The following CCDC7 variants were observed in gnomAD, a reference collection of about 807,000 sequenced individuals.
The protein encoded by CCDC7 is coiled-coil domain-containing protein 7.
A neutral mutation model predicts 196.9 loss-of-function variants in CCDC7; 183 were observed. The observed-to-expected ratio is 0.93, with a 90% CI of 0.82 to 1.05. CCDC7 has a LOEUF of 1.05. CCDC7 is among the 50% of genes least tolerant of loss of function. The pLI is 0.00. For synonymous variants in CCDC7, 525 were observed against 484.6 expected, an observed-to-expected ratio of 1.08 and a Z score of -1.10; for missense variants, 1,540 against 1,482.2, an observed-to-expected ratio of 1.04 and a Z score of -0.64.
rs117666754 is a variant in CCDC7, at chr10:32,866,829, A to G, written c.4112-9518A>G. Among the ~76,000 whole-genome samples, 1,199 of 151,898 alleles carry G rather than the reference A, an allele frequency of 7.9e-3. 7 individuals carry two copies. The highest frequency in any genetic ancestry group is 0.02 in the Middle Eastern group (6 of 294). ...ATTACCTATTACTTATAAAAGTAAA[A>G]AAAGTACTTTACAGTAGAGAAACAT... On this transcript the variant is annotated intron_variant, in intron 41 of 41. Coordinates refer to ENST00000639629, the Ensembl canonical transcript of CCDC7.
chr10:32,870,280 G>C (rs1293214104), intron 41 of CCDC7, among the ~76,000 whole-genome samples: 1 of 152,158 alleles, frequency 6.6e-6, no homozygotes, highest in East Asian at 1.9e-4. Flanking sequence ...TCACTGAGCA[G>C]TGGTTTGTAG....
At chr10:32,877,845 G>A (rs903535397), downstream of CCDC7, among the ~76,000 whole-genome samples, 1 of 152,116 alleles carries the variant, frequency 6.6e-6, no homozygotes, top group African/African-American at 2.4e-5. Flanking sequence ...TTCTCTGTGT[G>A]ATTCTAATAC....
At chr10:32,447,209 G>C (rs948680131), upstream of CCDC7, among the ~76,000 whole-genome samples, 1 of 152,010 alleles carries the variant, frequency 6.6e-6, no homozygotes, top group East Asian at 1.9e-4. Flanking sequence ...TGAAATTGTT[G>C]CCGTTCTTCA....
intron 25 of CCDC7, among the ~76,000 whole-genome samples, chr10:32,724,047 A>T (rs1388709672): frequency 2.6e-5 from 4 of 152,048 alleles, no homozygotes; most frequent in Admixed American, 2.0e-4. Context: ...CCACCAAGCA[A>T]GCTCAGCTAG....
intron 18 of CCDC7, among the ~76,000 whole-genome samples, chr10:32,622,740 C>T (rs564618993): frequency 5.9e-5 from 9 of 152,032 alleles, no homozygotes; most frequent in South Asian, 2.1e-4. Flanking sequence ...AATTGAGCAC[C>T]GCTAAATGTC....
At chr10:32,709,404 G>T (rs562549525) in intron 24 of CCDC7, among the ~76,000 whole-genome samples, 1 of 151,980 alleles carries the variant, frequency 6.6e-6, no homozygotes, top group South Asian at 2.1e-4. Flanking sequence ...CATCAACATG[G>T]CACATGTATA....
At chr10:32,444,016 C>A (rs975478414), upstream of CCDC7, among the ~76,000 whole-genome samples, 2 of 152,082 alleles carry the variant, frequency 1.3e-5, no homozygotes, top group Admixed American at 6.6e-5. Flanking sequence ...TTGTAGATGT[C>A]TGGAAATTGT....
chr10:32,610,183 C>T (rs1240722590), intron 18 of CCDC7, among the ~76,000 whole-genome samples: 1 of 152,122 alleles, frequency 6.6e-6, no homozygotes, highest in Non-Finnish European at 1.5e-5. Flanking sequence ...CGGCTCACTG[C>T]AAGCTCTGCC....
At chr10:32,454,304 C>A (rs2033809173) in intron 2 of CCDC7, among the ~76,000 whole-genome samples, 2 of 152,122 alleles carry the variant, frequency 1.3e-5, no homozygotes, top group Admixed American at 1.3e-4. Context: ...TATGTAATCA[C>A]AATCCTTATC....
intron 20 of CCDC7, among the ~76,000 whole-genome samples, chr10:32,637,017 T>C (rs575578112): frequency 6.6e-6 from 1 of 152,362 alleles, no homozygotes; most frequent in East Asian, 1.9e-4. Flanking sequence ...GTTGGCTGCA[T>C]AAATGTCTTC....
intron 11 of CCDC7, among the ~76,000 whole-genome samples, chr10:32,519,634 T>C (rs1396816562): frequency 6.6e-6 from 1 of 152,144 alleles, no homozygotes; most frequent in Non-Finnish European, 1.5e-5. Flanking sequence ...ATGGGGTACA[T>C]GAGATATTTT....
At chr10:32,865,481 G>A (rs1196227726) in intron 41 of CCDC7, among the ~76,000 whole-genome samples, 4 of 151,558 alleles carry the variant, frequency 2.6e-5, no homozygotes, top group Admixed American at 6.6e-5. Flanking sequence ...TGATGAGAAT[G>A]TGCAGTAACT....
intron 24 of CCDC7, 99 bp from the exon 26 acceptor site, chr10:32,711,521 G>A (rs1343395623): frequency 2.9e-6 from 2 of 688,008 alleles, no homozygotes; most frequent in African/African-American, 3.8e-5. Context: ...TTTATAAGAT[G>A]AAAGAAAATG....
chr10:32,545,159 G>A (rs1008065131), intron 13 of CCDC7, among the ~76,000 whole-genome samples: 2 of 152,114 alleles, frequency 1.3e-5, no homozygotes, highest in African/African-American at 4.8e-5. Context: ...GGCATTACTT[G>A]AAGACAACAG....
intron 13 of CCDC7, among the ~76,000 whole-genome samples, chr10:32,554,344 C>A (rs2054004522): frequency 6.6e-6 from 1 of 152,186 alleles, no homozygotes; most frequent in Non-Finnish European, 1.5e-5. Flanking sequence ...AGGTTTCTTG[C>A]CCTGTTCAAA....
At chr10:32,790,648 C>T (rs899657298) in intron 29 of CCDC7, among the ~76,000 whole-genome samples, 1 of 152,200 alleles carries the variant, frequency 6.6e-6, no homozygotes, top group East Asian at 1.9e-4. Flanking sequence ...GTGCCCTTCT[C>T]CCTAGGGCCT....
At chr10:32,551,676 G>T (rs918015572) in intron 13 of CCDC7, among the ~76,000 whole-genome samples, 1 of 152,084 alleles carries the variant, frequency 6.6e-6, no homozygotes, top group African/African-American at 2.4e-5. Context: ...TCAGGAGCAG[G>T]TTATTTAATT....
Position 32,855,163 on chromosome 10 carries a change from T to G in CCDC7, c.4111+674T>G, listed in dbSNP as rs190790336. Reference sequence around the variant, plus strand: ...AGTGATCTAAGGATTCAGTGCAATCTCTATTGAAATCCCAAATACTTTTTT... The same window carrying G: ...AGTGATCTAAGGATTCAGTGCAATCGCTATTGAAATCCCAAATACTTTTTT... On this transcript the variant is annotated intron_variant, in intron 41 of 41. Transcript: ENST00000639629. Among the ~76,000 whole-genome samples, 71 of 151,956 alleles carry G rather than the reference T, an allele frequency of 4.7e-4. No homozygotes were observed. In the Middle Eastern group the frequency reaches 0.014, roughly 29 times the overall value.
In CCDC7 at chr10:32,874,776, A is replaced by ACACACACACACACG. The variant is rs1593738207; in HGVS notation, c.4112-1563_4112-1562insCACACGCACACACA. Among the ~76,000 whole-genome samples, 3 of 151,272 alleles carry ACACACACACACACG rather than the reference A, an allele frequency of 2.0e-5. No individual in the cohort carries two copies. The East Asian group carries it at 5.8e-4, about 29-fold the overall frequency. On this transcript the variant is annotated intron_variant, in intron 41 of 41. Coordinates refer to ENST00000639629, the Ensembl canonical transcript of CCDC7. ...TCTACACACACACACACACACACAC[A>ACACACACACACACG]CACACACATATATACACACATATAT...
Sources: gnomAD v4.1 joint callset for allele counts (sites outside exome capture counted in the v4.1 genomes callset) on GRCh38, gnomAD v4.1.1 for gene constraint, MANE v1.5 for transcripts, NCBI Gene and HGNC (gene_info 2026-07-23, HGNC 2026-07-21) for gene names.